The following PHACTR1 variants were observed in gnomAD, a reference collection of about 807,000 sequenced individuals.
PHACTR1 encodes the protein phosphatase and actin regulator 1, also known as RPEL repeat containing 1.
PHACTR1 carries 16 observed loss-of-function variants against 69.2 expected under a neutral mutation model. The ratio of observed to expected loss-of-function variants is 0.23; its 90% confidence interval spans 0.16 to 0.35. The LOEUF is 0.35. PHACTR1 is among the 10% of genes least tolerant of loss of function. The pLI, the probability that PHACTR1 is intolerant of heterozygous loss-of-function variation, is 1.00. For synonymous variants in PHACTR1, 312 were observed against 284.5 expected, an observed-to-expected ratio of 1.10 and a Z score of -0.97; for missense variants, 510 against 734.7, an observed-to-expected ratio of 0.69 and a Z score of 3.54.
chr6:12,805,114 G>A (rs985864870), intron 4 of PHACTR1, among the ~76,000 whole-genome samples: 1 of 152,128 alleles, frequency 6.6e-6, no homozygotes. Flanking sequence ...GAAGTTTGGG[G>A]CTAAAACCTA....
At chr6:13,006,638 T>TACATACACAAC (rs1798834063) in intron 4 of PHACTR1, among the ~76,000 whole-genome samples, 1 of 151,886 alleles carries the variant, frequency 6.6e-6, no homozygotes, top group Non-Finnish European at 1.5e-5. Context: ...ACACAACTTA[T>TACATACACAAC]ATTAAATAAG....
intron 4 of PHACTR1, among the ~76,000 whole-genome samples, chr6:12,944,219 C>T (rs1372856956): frequency 1.3e-5 from 2 of 152,176 alleles, no homozygotes; most frequent in Non-Finnish European, 2.9e-5. Flanking sequence ...CATGCCATCT[C>T]AGTATGGTGG....
chr6:12,850,267 C>T (rs958680441), intron 4 of PHACTR1, among the ~76,000 whole-genome samples: 2 of 152,254 alleles, frequency 1.3e-5, no homozygotes, highest in African/African-American at 4.8e-5. Context: ...GCTGCCCTAG[C>T]CTACAGTCTA....
At chr6:12,778,628 T>C (rs1490002432) in intron 4 of PHACTR1, among the ~76,000 whole-genome samples, 1 of 152,198 alleles carries the variant, frequency 6.6e-6, no homozygotes, top group Admixed American at 6.5e-5. Context: ...CCTTAGATAA[T>C]GTGGAGAATC....
intron 4 of PHACTR1, among the ~76,000 whole-genome samples, chr6:13,046,796 A>G (rs1439740476): frequency 1.4e-5 from 2 of 140,240 alleles, no homozygotes; most frequent in East Asian, 3.9e-4. Context: ...TAGAATAAAC[A>G]TGTTTTACTC....
At chr6:13,007,888 A>G (rs1798998799) in intron 4 of PHACTR1, among the ~76,000 whole-genome samples, 1 of 152,216 alleles carries the variant, frequency 6.6e-6, no homozygotes, top group African/African-American at 2.4e-5. Flanking sequence ...TGTTCATAGA[A>G]TAATTTTCAC....
chr6:12,924,879 C>A (rs554146624), intron 4 of PHACTR1, among the ~76,000 whole-genome samples: 8 of 151,906 alleles, frequency 5.3e-5, no homozygotes, highest in African/African-American at 1.7e-4. Flanking sequence ...GTTTTTCTTA[C>A]GTATTTGTAT....
intron 4 of PHACTR1, among the ~76,000 whole-genome samples, chr6:13,002,352 A>T (rs1798190648): frequency 6.6e-6 from 1 of 152,196 alleles, no homozygotes; most frequent in African/African-American, 2.4e-5. Flanking sequence ...ATTCACAGGA[A>T]AATGTCTCAG....
chr6:12,901,863 C>T (rs534686551), intron 4 of PHACTR1, among the ~76,000 whole-genome samples: 39 of 152,264 alleles, frequency 2.6e-4, no homozygotes, highest in African/African-American at 7.9e-4. Flanking sequence ...CCACCTTAGA[C>T]AGCCTGGAAT....
At chr6:12,895,160 G>T (rs1784529755) in intron 4 of PHACTR1, among the ~76,000 whole-genome samples, 1 of 145,576 alleles carries the variant, frequency 6.9e-6, no homozygotes. Context: ...GTCTGATATT[G>T]TGACTCTTTC....
intron 5 of PHACTR1, among the ~76,000 whole-genome samples, chr6:13,148,540 T>G (rs1823803413): frequency 6.6e-6 from 1 of 152,206 alleles, no homozygotes; most frequent in African/African-American, 2.4e-5. Context: ...AGAATGCACT[T>G]TTGACAGCAT....
At chr6:13,242,552 C>T (rs1471626512) in intron 10 of PHACTR1, among the ~76,000 whole-genome samples, 2 of 152,054 alleles carry the variant, frequency 1.3e-5, no homozygotes, top group Admixed American at 6.6e-5. Context: ...TGTCTTGGGG[C>T]GAGTACATGG....
chr6:12,767,954 C>T (rs184390020), intron 4 of PHACTR1, among the ~76,000 whole-genome samples: 1 of 151,976 alleles, frequency 6.6e-6, no homozygotes, highest in Non-Finnish European at 1.5e-5. Context: ...ATGGGCTTGG[C>T]GTTTTTCTTT....
At chr6:13,176,214 A>G (rs546788524) in intron 6 of PHACTR1, among the ~76,000 whole-genome samples, 14 of 152,340 alleles carry the variant, frequency 9.2e-5, no homozygotes, top group South Asian at 6.2e-4. Flanking sequence ...TGCAGGGGAA[A>G]AAAAGTGAAT....
At chr6:12,922,162 T>G (rs983399454) in intron 4 of PHACTR1, among the ~76,000 whole-genome samples, 4 of 152,164 alleles carry the variant, frequency 2.6e-5, no homozygotes, top group Non-Finnish European at 5.9e-5. Flanking sequence ...TGGGTTCTAA[T>G]TTCTGGGTTG....
At chr6:12,767,986 C>T (rs12202891) in intron 4 of PHACTR1, among the ~76,000 whole-genome samples, 22,402 of 151,872 alleles carry the variant, frequency 0.15, 2,142 homozygotes, top group East Asian at 0.33. Context: ...TGAGACCTGG[C>T]GCATTAGGAT....
At chr6:13,013,788 G>T (rs1388372447) in intron 4 of PHACTR1, among the ~76,000 whole-genome samples, 2 of 149,772 alleles carry the variant, frequency 1.3e-5, no homozygotes, top group African/African-American at 4.9e-5. Context: ...TAGAGCGGCC[G>T]GCGCGGGCGG....
intron 7 of PHACTR1, among the ~76,000 whole-genome samples, chr6:13,201,911 T>A (rs1226307502): frequency 6.6e-6 from 1 of 152,264 alleles, no homozygotes; most frequent in Non-Finnish European, 1.5e-5. Flanking sequence ...TAATTCTACC[T>A]GATTTTAGCC....
chr6:12,869,638 C>A (rs1443251178), intron 4 of PHACTR1, among the ~76,000 whole-genome samples: 1 of 152,180 alleles, frequency 6.6e-6, no homozygotes, highest in Non-Finnish European at 1.5e-5. Context: ...TCCTGCTGAC[C>A]ATAGTGCTTT....
Sources: gnomAD v4.1 joint callset for allele counts (sites outside exome capture counted in the v4.1 genomes callset) on GRCh38, gnomAD v4.1.1 for gene constraint, MANE v1.5 for transcripts, NCBI Gene and HGNC (gene_info 2026-07-23, HGNC 2026-07-21) for gene names.